The following DCBLD2 variants were observed in gnomAD, a reference collection of about 807,000 sequenced individuals.
DCBLD2 encodes the protein discoidin, CUB and LCCL domain containing 2, also known as discoidin, CUB and LCCL domain-containing protein 2.
In DCBLD2, 54 loss-of-function variants were observed where a neutral mutation model predicts 86.8. The observed-to-expected ratio is 0.62, with a 90% CI of 0.50 to 0.78. DCBLD2 has a LOEUF of 0.78. DCBLD2 is among the 30% of genes least tolerant of loss of function. The pLI is 0.00. For synonymous variants in DCBLD2, 354 were observed against 341.3 expected (o/e 1.04, Z -0.41); for missense variants, 908 against 954.2 (o/e 0.95, Z 0.64).
At chr3:98,858,022 G>A (rs1015367015) in intron 2 of DCBLD2, among the ~76,000 whole-genome samples, 1 of 152,244 alleles carries the variant, frequency 6.6e-6, no homozygotes, top group Non-Finnish European at 1.5e-5. Context: ...ATGGAGCAGG[G>A]GGCGGTGCTC....
chr3:98,900,683 CG>C, intron 1 of DCBLD2: 1 of 191,064 alleles, frequency 5.2e-6, no homozygotes, highest in Non-Finnish European at 1.1e-5. Context: ...CTTCAGAACC[CG>C]GGCTCTTTCA....
intron 2 of DCBLD2, among the ~76,000 whole-genome samples, chr3:98,878,961 C>G (rs993929895): frequency 1.4e-4 from 21 of 152,164 alleles, no homozygotes; most frequent in African/African-American, 4.8e-4. Context: ...AGAAAAAGGA[C>G]TCTCAACAAG....
chr3:98,839,128 T>C (rs374507859), intron 3 of DCBLD2, among the ~76,000 whole-genome samples: 40,636 of 91,478 alleles, frequency 0.44, 7,460 homozygotes, highest in East Asian at 0.74. Context: ...TTTTTCTTTC[T>C]TTCCTTCCTT....
Position 98,811,511 on chromosome 3 carries a change from G to A in DCBLD2, c.1407C>T (p.Ser469=). The A allele has an allele frequency of 1.2e-6, 2 of 1,611,102 alleles. No individual in the cohort carries two copies. Among genetic ancestry groups the A allele is most frequent in the Non-Finnish European group, 1.7e-6 (2 of 1,178,902 alleles). ...KLTQPPPPRN[S]NDLKNTTAPP... ...GGGCTGTAGTGTTTTTGAGGTCATT[G>A]CTGTTCCGAGGAGGTGGAGGTTGAG... The change falls in exon 11 of 16, where the codon AGC becomes AGT. Residue 469 remains serine, a synonymous_variant. Coordinates refer to ENST00000326840, the MANE Select transcript of DCBLD2 (RefSeq NM_080927.4).
At position 98,822,764 on chromosome 3, in the gene DCBLD2, A is replaced by T. The variant is rs147854830; in HGVS notation, c.624-23T>A. 1.1e-3 allele frequency: 1,682 copies of T among 1,558,956 alleles called. 11 individuals carry two copies. The East Asian group carries it at 0.017, about 16-fold the overall frequency. On this transcript the variant is annotated intron_variant, in intron 4 of 15. Coordinates refer to ENST00000326840, the MANE Select transcript of DCBLD2 (RefSeq NM_080927.4). ...TTACTGAGAAATGAAAACAAGCAAAAGGTTACATAATGCTGTATTTTACAG... is the reference window on the plus strand; with the variant it reads ...TTACTGAGAAATGAAAACAAGCAAATGGTTACATAATGCTGTATTTTACAG...
chr3:98,803,844 C>T (rs933179690), intron 13 of DCBLD2, among the ~76,000 whole-genome samples: 5 of 152,060 alleles, frequency 3.3e-5, no homozygotes, highest in Non-Finnish European at 5.9e-5. Flanking sequence ...TGCTGGATTA[C>T]GTTTATTGAT....
intron 2 of DCBLD2, among the ~76,000 whole-genome samples, chr3:98,851,077 A>C (rs1160305620): frequency 6.6e-6 from 1 of 152,198 alleles, no homozygotes; most frequent in African/African-American, 2.4e-5. Context: ...TTAACATAGT[A>C]CTGGAAGTTC....
At chr3:98,847,578 C>G (rs1397791248) in intron 3 of DCBLD2, among the ~76,000 whole-genome samples, 1 of 152,168 alleles carries the variant, frequency 6.6e-6, no homozygotes, top group Admixed American at 6.5e-5. Flanking sequence ...ATGAAACTTT[C>G]AATAAGACAT....
In DCBLD2 at chr3:98,846,876, T is replaced by G. The variant is rs548659771; in HGVS notation, c.571+2585A>C. On this transcript the variant is annotated intron_variant, in intron 3 of 15. Coordinates refer to ENST00000326840, the MANE Select transcript of DCBLD2 (RefSeq NM_080927.4). ...AATTTAAATATCTAATATGAGAACC[T>G]TTTTTTAAAAAAACAGGATACTTAT... Among the ~76,000 whole-genome samples the G allele has an allele frequency of 9.3e-5, 6 of 64,692 alleles. No homozygotes were observed. The South Asian group carries it at 2.9e-3, about 31-fold the overall frequency. 42.4% of individuals were successfully genotyped at this position (64,692 alleles called of 152,430 possible).
intron 1 of DCBLD2, among the ~76,000 whole-genome samples, chr3:98,897,566 A>G (rs1363200750): frequency 6.6e-6 from 1 of 152,136 alleles, no homozygotes; most frequent in Non-Finnish European, 1.5e-5. Flanking sequence ...ATATTGTTCA[A>G]AAATATTTCC....
At chr3:98,805,802 C>T (rs1031739747) in intron 13 of DCBLD2, among the ~76,000 whole-genome samples, 1 of 152,174 alleles carries the variant, frequency 6.6e-6, no homozygotes, top group East Asian at 1.9e-4. Flanking sequence ...CTCTGTCTGA[C>T]TTCTGCCCTC....
chr3:98,817,821 T>C lies in DCBLD2; in HGVS notation c.1160A>G (p.Asp387Gly). ...GTACACAGTCCATTTCTGCCCATCATCACTGTACAGGATTCTGTAGGCAGA... is the reference window on the plus strand; with the variant it reads ...GTACACAGTCCATTTCTGCCCATCACCACTGTACAGGATTCTGTAGGCAGA... ...YVSAYRILYS[D>G]DGQKWTVYRE... The change falls in exon 9 of 16, where the codon GAT becomes GGT. Residue 387 changes from aspartate to glycine, a missense_variant. This residue lies in a region of DCBLD2 where 606 missense variants were observed against 678.5 expected (regional missense o/e 0.89). Coordinates refer to ENST00000326840, the MANE Select transcript of DCBLD2 (RefSeq NM_080927.4). 1 of 1,613,748 alleles carries C rather than the reference T, an allele frequency of 6.2e-7. No individual in the cohort carries two copies. The highest frequency in any genetic ancestry group is 8.5e-7 in the Non-Finnish European group (1 of 1,179,716).
At chr3:98,868,084 T>C (rs1943191371) in intron 2 of DCBLD2, among the ~76,000 whole-genome samples, 1 of 152,162 alleles carries the variant, frequency 6.6e-6, no homozygotes, top group South Asian at 2.1e-4. Context: ...ATTACAGGCG[T>C]GAGCCACCGT....
intron 2 of DCBLD2, among the ~76,000 whole-genome samples, chr3:98,860,725 C>T (rs997297318): frequency 2.0e-5 from 3 of 152,144 alleles, no homozygotes; most frequent in Non-Finnish European, 2.9e-5. Flanking sequence ...CTAAAGGAAG[C>T]ACTAAACATG....
chr3:98,882,434 T>C (rs1943487183), intron 1 of DCBLD2, among the ~76,000 whole-genome samples: 1 of 152,130 alleles, frequency 6.6e-6, no homozygotes, highest in African/African-American at 2.4e-5. Context: ...TTTTTTAACT[T>C]TTTAAAAATT....
chr3:98,853,489 G>A (rs940724968), intron 2 of DCBLD2, among the ~76,000 whole-genome samples: 2 of 152,130 alleles, frequency 1.3e-5, no homozygotes, highest in African/African-American at 4.8e-5. Flanking sequence ...TGGCTATGCT[G>A]TTATTCTTCA....
In DCBLD2 at chr3:98,812,576, C is replaced by A. The variant is rs1941957197; in HGVS notation, c.1213-94G>T. The A allele has an allele frequency of 1.0e-5, 11 of 1,071,986 alleles. 1 individual carries two copies. In the South Asian group the frequency reaches 1.2e-4, roughly 12 times the overall value. 66.4% of individuals were successfully genotyped at this position (1,071,986 alleles called of 1,614,324 possible). A position where few individuals can be genotyped will look rare whatever the true frequency, so the allele number is the denominator to read the frequency against. On this transcript the variant is annotated intron_variant, in intron 9 of 15. Transcript: ENST00000326840. The stretch of plus-strand genomic sequence containing the variant: ...ACATGTTTTTGTTCTTTGCTCTAGG[C>A]CTTAAATTACATCTGGAAAGTATGA...
intron 2 of DCBLD2, 63 bp from the exon 3 acceptor site, chr3:98,849,661 T>C (rs1452267297): frequency 1.9e-6 from 3 of 1,544,636 alleles, no homozygotes; most frequent in East Asian, 2.3e-5. Context: ...ATATTTGCAA[T>C]GTAGATAACA....
At chr3:98,848,930 G>A (rs994544618) in intron 3 of DCBLD2, among the ~76,000 whole-genome samples, 1 of 152,104 alleles carries the variant, frequency 6.6e-6, no homozygotes, top group African/African-American at 2.4e-5. Flanking sequence ...AGCACTTTGG[G>A]AGGCCGAGCC....
Sources: allele counts gnomAD v4.1 joint callset (sites outside exome capture counted in the v4.1 genomes callset), GRCh38; gene constraint gnomAD v4.1.1; regional missense constraint gnomAD v4.1.1; transcripts MANE v1.5; gene names NCBI Gene and HGNC (gene_info 2026-07-23, HGNC 2026-07-21).